The following MCC variants were observed in gnomAD, a reference collection of about 807,000 sequenced individuals.
The protein encoded by MCC is MCC regulator of Wnt signaling pathway, also known as colorectal mutant cancer protein.
In MCC, 90 loss-of-function variants were observed where a neutral mutation model predicts 116.2. The observed-to-expected ratio is 0.77, with a 90% CI of 0.65 to 0.92. The LOEUF (loss-of-function observed/expected upper bound fraction) is 0.92. Ranked by LOEUF, MCC falls within the 40% of genes least tolerant of loss-of-function variation. MCC has a pLI of 0.00. For synonymous variants in MCC, 578 were observed against 510.5 expected, an observed-to-expected ratio of 1.13 and a Z score of -1.78; for missense variants, 1,516 against 1,312.2, an observed-to-expected ratio of 1.16 and a Z score of -2.40.
rs576915691 is a variant in MCC at position 113,039,164 on chromosome 5, T to G, written c.2756+4366A>C. 6.6e-5 allele frequency among the ~76,000 whole-genome samples: 10 copies of G among 152,326 alleles called. No individual in the cohort carries two copies. The East Asian group carries it at 1.7e-3, about 26-fold the overall frequency. ...TCATGGTGAGGAGCAGCGCACCTAC[T>G]TCCTGCCTCCCAGCACTGAGGAAGC... On this transcript the variant is annotated intron_variant, in intron 17 of 18. Coordinates refer to ENST00000408903, the MANE Select transcript of MCC (RefSeq NM_001085377.2).
intron 6 of MCC, among the ~76,000 whole-genome samples, chr5:113,118,766 A>G (rs1488279312): frequency 2.0e-5 from 3 of 151,850 alleles, no homozygotes; most frequent in African/African-American, 7.3e-5. Flanking sequence ...GAAAATGGCG[A>G]AGGAATAAGA....
intron 16 of MCC, 193 bp downstream of exon 16, chr5:113,048,900 G>C (rs1233155494): frequency 1.7e-6 from 1 of 603,332 alleles, no homozygotes; most frequent in Non-Finnish European, 3.0e-6. Context: ...AGTGAGATTT[G>C]GTATTTCTAA....
chr5:113,128,392 G>T (rs1758209195), intron 5 of MCC, among the ~76,000 whole-genome samples: 1 of 152,198 alleles, frequency 6.6e-6, no homozygotes, highest in Non-Finnish European at 1.5e-5. Flanking sequence ...TAAATGGCTG[G>T]CTTTCTTTTA....
At chr5:113,046,540 C>G (rs1752085444) in intron 16 of MCC, among the ~76,000 whole-genome samples, 1 of 151,900 alleles carries the variant, frequency 6.6e-6, no homozygotes, top group African/African-American at 2.4e-5. Flanking sequence ...TTCACCCAGT[C>G]AAAATAAATA....
At chr5:113,204,938 C>A (rs942600033) in intron 3 of MCC, among the ~76,000 whole-genome samples, 8 of 152,174 alleles carry the variant, frequency 5.3e-5, no homozygotes, top group African/African-American at 1.2e-4. Flanking sequence ...AAAAGTGGAA[C>A]CCTGCAGTAA....
intron 3 of MCC, among the ~76,000 whole-genome samples, chr5:113,176,520 G>C (rs1268744510): frequency 6.6e-6 from 1 of 152,190 alleles, no homozygotes; most frequent in Non-Finnish European, 1.5e-5. Context: ...CAACAGCTAA[G>C]GGTGACGGCT....
At chr5:113,075,695 G>A (rs902897965) in intron 11 of MCC, among the ~76,000 whole-genome samples, 1 of 152,142 alleles carries the variant, frequency 6.6e-6, no homozygotes, top group Non-Finnish European at 1.5e-5. Flanking sequence ...TGGGTGGGAC[G>A]AGATAAGGGA....
In MCC at chr5:113,301,437, C is replaced by G. The variant is rs1037689530; in HGVS notation, c.627+39082G>C. On this transcript the variant is annotated intron_variant, in intron 3 of 18. Transcript: ENST00000408903. ...CCGAGATCACGCCATTGCACCCCAGCCTGGGCAACAAGAGCAAAACTCCAT... is the reference window on the plus strand; with the variant it reads ...CCGAGATCACGCCATTGCACCCCAGGCTGGGCAACAAGAGCAAAACTCCAT... Among the ~76,000 whole-genome samples the G allele has an allele frequency of 3.3e-5, 5 of 151,582 alleles. No individual in the cohort carries two copies. The South Asian group carries it at 8.4e-4, about 25-fold the overall frequency.
intron 1 of MCC, among the ~76,000 whole-genome samples, chr5:113,398,909 A>C (rs769399209): frequency 6.6e-6 from 1 of 152,214 alleles, no homozygotes; most frequent in Non-Finnish European, 1.5e-5. Context: ...TAGTATTTGT[A>C]GTCTTGAACT....
intron 3 of MCC, among the ~76,000 whole-genome samples, chr5:113,337,886 C>T (rs1203202365): frequency 6.6e-6 from 1 of 152,176 alleles, no homozygotes; most frequent in Non-Finnish European, 1.5e-5. Flanking sequence ...TTTCTCAAAT[C>T]GGGCTCTACA....
intron 3 of MCC, among the ~76,000 whole-genome samples, chr5:113,305,812 GT>G: frequency 6.6e-6 from 1 of 152,186 alleles, no homozygotes; most frequent in East Asian, 1.9e-4. Flanking sequence ...TAATTTAGTG[GT>G]TTTTAGTATA....
At chr5:113,069,599 C>T (rs1392881189) in intron 12 of MCC, among the ~76,000 whole-genome samples, 2 of 152,208 alleles carry the variant, frequency 1.3e-5, no homozygotes, top group Non-Finnish European at 2.9e-5. Flanking sequence ...GACGGAGTCT[C>T]GCTCTGTCGC....
chr5:113,140,538 T>A (rs1437678045), intron 5 of MCC, among the ~76,000 whole-genome samples: 2 of 152,216 alleles, frequency 1.3e-5, no homozygotes, highest in Non-Finnish European at 1.5e-5. Flanking sequence ...GCACTGTGAC[T>A]GTAAGGGATG....
chr5:113,093,225 G>A (rs530847146), intron 8 of MCC, among the ~76,000 whole-genome samples: 1 of 152,334 alleles, frequency 6.6e-6, no homozygotes, highest in South Asian at 2.1e-4. Context: ...AGAGGGACCA[G>A]TGAATGTGAC....
At chr5:113,219,183 T>C (rs1763446447) in intron 3 of MCC, among the ~76,000 whole-genome samples, 1 of 152,122 alleles carries the variant, frequency 6.6e-6, no homozygotes, top group African/African-American at 2.4e-5. Flanking sequence ...TCCTTTTGGG[T>C]TGTTTTAAAT....
At chr5:113,279,150 T>C (rs994281022) in intron 3 of MCC, among the ~76,000 whole-genome samples, 1 of 150,848 alleles carries the variant, frequency 6.6e-6, no homozygotes, top group African/African-American at 2.5e-5. Context: ...TCTCAGTAAC[T>C]TCCCAATTCC....
intron 11 of MCC, among the ~76,000 whole-genome samples, chr5:113,077,436 T>G (rs141317131): frequency 2.6e-5 from 4 of 152,112 alleles, no homozygotes; most frequent in African/African-American, 9.7e-5. Context: ...TGGAAAAGAA[T>G]AGAAATTATA....
At chr5:113,100,427 G>C (rs1391169940) in intron 8 of MCC, among the ~76,000 whole-genome samples, 2 of 149,688 alleles carry the variant, frequency 1.3e-5, no homozygotes, top group African/African-American at 5.0e-5. Context: ...CAAGAGCAAT[G>C]GTGAAGGATG....
chr5:113,248,017 C>A (rs1261224171), intron 3 of MCC, among the ~76,000 whole-genome samples: 1 of 151,812 alleles, frequency 6.6e-6, no homozygotes, highest in Non-Finnish European at 1.5e-5. Context: ...GCCTGGGGCA[C>A]ACTTCATAGT....
Sources: allele counts gnomAD v4.1 joint callset (sites outside exome capture counted in the v4.1 genomes callset), GRCh38; gene constraint gnomAD v4.1.1; transcripts MANE v1.5; gene names NCBI Gene and HGNC (gene_info 2026-07-23, HGNC 2026-07-21).